The following CFAP73 variants were observed in gnomAD, a reference collection of about 807,000 sequenced individuals.
CFAP73 encodes the protein cilia- and flagella-associated protein 73.
A neutral mutation model predicts 42.9 loss-of-function variants in CFAP73; 33 were observed. That is an observed-to-expected ratio of 0.77 (90% CI 0.58 to 1.03). The LOEUF (loss-of-function observed/expected upper bound fraction) is 1.03. Among genes scored for constraint, CFAP73 ranks in the 50% least tolerant of loss-of-function variants. The pLI is 0.00. For synonymous variants in CFAP73, 162 were observed against 186.8 expected (o/e 0.87, Z 1.08); for missense variants, 392 against 411.9 (o/e 0.95, Z 0.42).
At chr12:113,150,866 C>T (rs568434441) in intron 1 of CFAP73, among the ~76,000 whole-genome samples, 2 of 152,316 alleles carry the variant, frequency 1.3e-5, no homozygotes, top group South Asian at 4.2e-4. Flanking sequence ...ACCCTAGCCA[C>T]ACCAGGGTCC....
At chr12:113,152,176 G>A (rs752171613) in intron 2 of CFAP73, among the ~76,000 whole-genome samples, 153 bp downstream of exon 2, 3 of 152,242 alleles carry the variant, frequency 2.0e-5, no homozygotes, top group Non-Finnish European at 4.4e-5. Context: ...CCAGTTGTTG[G>A]TGCAAATAAA....
intron 7 of CFAP73, 40 bp downstream of exon 7, chr12:113,157,730 T>C: frequency 7.0e-7 from 1 of 1,418,542 alleles, no homozygotes. Context: ...GACCCTGAGA[T>C]AGGAGGGCCC....
chr12:113,152,992 C>A, intron 3 of CFAP73, 105 bp downstream of exon 3: 2 of 845,282 alleles, frequency 2.4e-6, no homozygotes, highest in Non-Finnish European at 1.8e-6. Context: ...TTTCGTCATG[C>A]AAAAGGAAAC....
chr12:113,157,979 G>GAA, intron 7 of CFAP73: 1 of 440,212 alleles, frequency 2.3e-6, no homozygotes, highest in Admixed American at 3.5e-5. Flanking sequence ...GTTGGGGCAT[G>GAA]AAAAAAAACT....
intron 3 of CFAP73, 95 bp from the exon 4 acceptor site, chr12:113,153,113 G>C: frequency 7.5e-7 from 1 of 1,333,526 alleles, no homozygotes; most frequent in South Asian, 1.5e-5. Flanking sequence ...GCCGCCCCTG[G>C]TTTTGCGAGC....
chr12:113,153,738 G>A (rs953942613), intron 4 of CFAP73, among the ~76,000 whole-genome samples: 9 of 151,956 alleles, frequency 5.9e-5, no homozygotes, highest in African/African-American at 1.7e-4. Context: ...GACCACAGGC[G>A]CACGCCACCA....
At position 113,158,639 on chromosome 12, in the gene CFAP73, C is replaced by T. The variant is rs920493194; in HGVS notation, c.*12-62C>T. 10 of 493,434 alleles carry T rather than the reference C, an allele frequency of 2.0e-5. No individual in the cohort carries two copies. The highest frequency in any genetic ancestry group is 3.5e-5 in the Non-Finnish European group (10 of 287,058). 30.6% of individuals were successfully genotyped at this position (493,434 alleles called of 1,614,324 possible). A position where few individuals can be genotyped will look rare whatever the true frequency, so the allele number is the denominator to read the frequency against. On this transcript the variant is annotated intron_variant, in intron 7 of 7. Coordinates refer to ENST00000335621, the MANE Select transcript of CFAP73 (RefSeq NM_001144872.3). This position sits in a 1 kb window ranked among gnomAD's most constrained non-coding sequence, Gnocchi z 4.9. ...GTTGCCAACTCAAGTCTTGGCCTGC[C>T]TGGCTTTGCTGGCGAACTCCTGCAC...
rs114160512 is a variant in CFAP73, at chr12:113,153,782, T to G, written c.468+374T>G. On this transcript the variant is annotated intron_variant, in intron 4 of 7. Transcript: ENST00000335621. ...TATTTTTTTAAATTATTATTTTTAG[T>G]AGAGACGGTGGTTTCTCTATGTTGC... 4.0e-3 allele frequency among the ~76,000 whole-genome samples: 609 copies of G among 152,012 alleles called. 2 individuals carry two copies. The highest frequency in any genetic ancestry group is 0.013 in the African/African-American group (558 of 41,490).
Position 113,153,223 on chromosome 12 carries a change from C to A in CFAP73, c.283C>A (p.Arg95Ser). The change falls in exon 4 of 8, where the codon CGC becomes AGC. Residue 95 changes from arginine to serine, a missense_variant. Coordinates refer to ENST00000335621, the MANE Select transcript of CFAP73 (RefSeq NM_001144872.3). Reference sequence around the variant, plus strand: ...TACTCCCCAGGACTCCGAGGCCCGGCGCAATCGCGCGCTGCGGAGGGCGGC... The same window carrying A: ...TACTCCCCAGGACTCCGAGGCCCGGAGCAATCGCGCGCTGCGGAGGGCGGC... ...DKFLQDSEAR[R>S]NRALRRAAEE... The A allele has an allele frequency of 6.6e-7, 1 of 1,518,680 alleles. No homozygotes were observed. 94.1% of individuals were successfully genotyped at this position (1,518,680 alleles called of 1,614,324 possible). A position where few individuals can be genotyped will look rare whatever the true frequency, so the allele number is the denominator to read the frequency against.
intron 4 of CFAP73, 142 bp downstream of exon 4, chr12:113,153,550 G>A (rs1952086305): frequency 1.5e-6 from 1 of 688,744 alleles, no homozygotes; most frequent in African/African-American, 1.9e-5. Flanking sequence ...CACTTATGGA[G>A]CGCTCACTGT....
In CFAP73 at chr12:113,157,662, G is replaced by A; in HGVS notation, c.910G>A (p.Ala304Thr). ...GGCCGGCCTGGGTCAGGCTGAGCCT[G>A]CAGCCCCTGCCTCCTAGCCCTGACA... The part of the protein sequence containing the change: ...MLAGLGQAEP[A>T]APAS The change falls in exon 7 of 8, where the codon GCA becomes ACA. Residue 304 changes from alanine to threonine, a missense_variant. Physicochemically the swap from Ala to Thr is moderately conservative, Grantham distance 58 (BLOSUM62 0). Coordinates refer to ENST00000335621, the MANE Select transcript of CFAP73 (RefSeq NM_001144872.3). The A allele has an allele frequency of 6.4e-7, 1 of 1,551,522 alleles. No individual in the cohort carries two copies. Among genetic ancestry groups the A allele is most frequent in the Non-Finnish European group, 8.7e-7 (1 of 1,146,974 alleles).
intron 4 of CFAP73, 145 bp downstream of exon 4, chr12:113,153,553 C>T: frequency 1.5e-6 from 1 of 671,248 alleles, no homozygotes; most frequent in East Asian, 3.4e-5. Flanking sequence ...TTATGGAGCG[C>T]TCACTGTAAG....
In CFAP73 at chr12:113,152,009, C is replaced by T; in HGVS notation, c.148C>T (p.Gln50Ter). Residue 50 changes from glutamine (Q) to a stop codon, truncating the protein, a stop_gained, in exon 2 of 8, where the codon CAG becomes TAG. Transcript: ENST00000335621. LOFTEE classifies it high-confidence loss of function. ...GCTGGTAGATGCAGACCAGGCCCTGCAGGCCCAGAAGGAGGTGAGCCCCCA... is the reference window on the plus strand; with the variant it reads ...GCTGGTAGATGCAGACCAGGCCCTGTAGGCCCAGAAGGAGGTGAGCCCCCA... ...QELVDADQAL[Q>*]AQKEVFRTKT... 1 of 1,551,008 alleles carries T rather than the reference C, an allele frequency of 6.4e-7. No individual in the cohort carries two copies. Among genetic ancestry groups the T allele is most frequent in the South Asian group, 1.2e-5 (1 of 84,030 alleles).
At chr12:113,152,101 T>TA in intron 2 of CFAP73, 78 bp downstream of exon 2, 1 of 1,021,598 alleles carries the variant, frequency 9.8e-7, no homozygotes, top group Admixed American at 2.2e-5. Context: ...TGACAAGGTC[T>TA]GAGACAAGTC....
intron 1 of CFAP73, among the ~76,000 whole-genome samples, chr12:113,151,305 AACCCTGTCTCTACTAAAAAT>A (rs927160759): frequency 6.6e-6 from 1 of 152,178 alleles, no homozygotes; most frequent in African/African-American, 2.4e-5. Flanking sequence ...AACATGGTGA[AACCCTGTCTCTACTAAAAAT>A]ACAGAAATTA....
At position 113,159,116 on chromosome 12, in the gene CFAP73, G is replaced by A. The variant is rs1007684621; in HGVS notation, c.*427G>A. ...GCGTGGGGCCGGGATGCACCTGCTG[G>A]GACAGGGATTCAGGGAGCTCAGCTG... On this transcript the variant is annotated 3_prime_UTR_variant, in exon 8 of 8. Transcript: ENST00000335621. The A allele has an allele frequency of 3.8e-6, 6 of 1,586,042 alleles. No individual in the cohort carries two copies. The highest frequency in any genetic ancestry group is 1.4e-5 in the African/African-American group (1 of 74,052).
intron 3 of CFAP73, 152 bp from the exon 4 acceptor site, chr12:113,153,056 G>T: frequency 2.2e-6 from 2 of 895,012 alleles, no homozygotes; most frequent in Non-Finnish European, 3.3e-6. Flanking sequence ...AAAAAAAAGC[G>T]GGCGGGGGAG....
rs544735169 is a variant in CFAP73 at position 113,159,101 on chromosome 12, G to A, written c.*412G>A. The A allele has an allele frequency of 7.5e-6, 12 of 1,597,148 alleles. No homozygotes were observed. Among genetic ancestry groups the A allele is most frequent in the Middle Eastern group, 1.7e-4 (1 of 5,900 alleles). Reference sequence around the variant, plus strand: ...GCAGGGGTGCCTGGGGCGTGGGGCCGGGATGCACCTGCTGGGACAGGGATT... The same window carrying A: ...GCAGGGGTGCCTGGGGCGTGGGGCCAGGATGCACCTGCTGGGACAGGGATT... On this transcript the variant is annotated 3_prime_UTR_variant, in exon 8 of 8. Transcript: ENST00000335621.
In CFAP73 at chr12:113,151,938, A is replaced by G. The variant is rs774937641; in HGVS notation, c.77A>G (p.Glu26Gly). The stretch of plus-strand genomic sequence containing the variant: ...TTCAGAAAGCTGCCAGAGCAGGCTG[A>G]GGATCATGTCCCACCAGTACTGCGT... ...KLSTKLPEQA[E>G]DHVPPVLRLL... Residue 26 changes from glutamate (E) to glycine (G), a missense_variant, in exon 2 of 8, where the codon GAG (glutamate) becomes GGG (glycine). Coordinates refer to ENST00000335621, the MANE Select transcript of CFAP73 (RefSeq NM_001144872.3). 20 of 1,551,404 alleles carry G rather than the reference A, an allele frequency of 1.3e-5. No homozygotes were observed. In the Admixed American group the frequency reaches 2.6e-4, roughly 20 times the overall value.
Sources: gnomAD v4.1 joint callset for allele counts (sites outside exome capture counted in the v4.1 genomes callset) on GRCh38, gnomAD v4.1.1 for gene constraint, Gnocchi (gnomAD v3.1) non-coding constraint, MANE v1.5 for transcripts, NCBI Gene and HGNC (gene_info 2026-07-23, HGNC 2026-07-21) for gene names.